The following LRRC4C variants were observed in gnomAD, a reference collection of about 807,000 sequenced individuals.
LRRC4C encodes the protein leucine rich repeat containing 4C.
Under a neutral mutation model 33.6 loss-of-function variants are expected in LRRC4C, and 5 were observed. The observed-to-expected ratio is 0.15, with a 90% CI of 0.08 to 0.31. The LOEUF (loss-of-function observed/expected upper bound fraction) is 0.31, where lower values mean the gene tolerates loss of function less well. LRRC4C is among the 10% of genes least tolerant of loss of function. LRRC4C has a pLI of 1.00. For synonymous variants in LRRC4C, 329 were observed against 302.0 expected (o/e 1.09, Z -0.93); for missense variants, 560 against 796.7 (o/e 0.70, Z 3.58).
At chr11:41,109,464 C>T (rs1053831082) in intron 1 of LRRC4C, among the ~76,000 whole-genome samples, 8 of 152,092 alleles carry the variant, frequency 5.3e-5, no homozygotes, top group African/African-American at 1.9e-4. Context: ...GAAACAAAGC[C>T]AGATATAAAA....
intron 3 of LRRC4C, among the ~76,000 whole-genome samples, chr11:40,544,144 C>T (rs1956828024): frequency 6.6e-6 from 1 of 152,010 alleles, no homozygotes; most frequent in African/African-American, 2.4e-5. Context: ...AATTAGATGA[C>T]CGATATTTAA....
chr11:40,764,543 G>A (rs780262868), intron 2 of LRRC4C, among the ~76,000 whole-genome samples: 54 of 152,128 alleles, frequency 3.5e-4, no homozygotes, highest in Non-Finnish European at 7.5e-4. Context: ...AGAGCTTACC[G>A]CCTTGAAGTT....
chr11:40,422,492 A>T (rs1950555407), intron 3 of LRRC4C, among the ~76,000 whole-genome samples: 1 of 152,208 alleles, frequency 6.6e-6, no homozygotes, highest in African/African-American at 2.4e-5. Flanking sequence ...ACACATTGTC[A>T]TGTTCAACGT....
At chr11:40,465,878 A>T (rs978046465) in intron 3 of LRRC4C, among the ~76,000 whole-genome samples, 1 of 152,046 alleles carries the variant, frequency 6.6e-6, no homozygotes, top group African/African-American at 2.4e-5. Context: ...TTTCTCAAAG[A>T]ATTAAAAAAT....
chr11:40,480,866 G>A (rs956287604), intron 3 of LRRC4C, among the ~76,000 whole-genome samples: 1 of 151,930 alleles, frequency 6.6e-6, no homozygotes, highest in African/African-American at 2.4e-5. Context: ...TAGTTAGATG[G>A]GGAATCTAAA....
intron 1 of LRRC4C, among the ~76,000 whole-genome samples, chr11:41,210,395 G>A (rs541182454): frequency 1.3e-5 from 2 of 152,138 alleles, no homozygotes; most frequent in East Asian, 3.9e-4. Flanking sequence ...TTCTCCTTTC[G>A]TTTGCCTCTC....
chr11:40,699,248 T>C (rs1383570475), intron 2 of LRRC4C, among the ~76,000 whole-genome samples: 1 of 152,228 alleles, frequency 6.6e-6, no homozygotes, highest in East Asian at 1.9e-4. Context: ...TTGATAGTCA[T>C]AGACCTATTA....
intron 1 of LRRC4C, among the ~76,000 whole-genome samples, chr11:40,951,845 C>T (rs2136729418): frequency 6.6e-6 from 1 of 151,958 alleles, no homozygotes; most frequent in Admixed American, 6.6e-5. Context: ...CACATAGTTT[C>T]TGGAAGTTTA....
At chr11:40,759,715 T>C (rs936568074) in intron 2 of LRRC4C, among the ~76,000 whole-genome samples, 1 of 151,942 alleles carries the variant, frequency 6.6e-6, no homozygotes, top group Non-Finnish European at 1.5e-5. Flanking sequence ...ATTTATCAAC[T>C]CCTTGTCGAT....
intron 2 of LRRC4C, among the ~76,000 whole-genome samples, chr11:40,838,867 C>T (rs2135616829): frequency 6.6e-6 from 1 of 151,756 alleles, no homozygotes; most frequent in Admixed American, 6.6e-5. Flanking sequence ...AGAATAAATC[C>T]CTCATCCCTA....
At chr11:41,211,039 G>T (rs1467034863) in intron 1 of LRRC4C, among the ~76,000 whole-genome samples, 2 of 152,148 alleles carry the variant, frequency 1.3e-5, no homozygotes, top group African/African-American at 4.8e-5. Context: ...TGGCAGCAAT[G>T]CTCACTTGCC....
chr11:40,919,717 G>T (rs1957097867), intron 2 of LRRC4C, among the ~76,000 whole-genome samples: 1 of 152,082 alleles, frequency 6.6e-6, no homozygotes, highest in Non-Finnish European at 1.5e-5. Flanking sequence ...ACATTAACAA[G>T]TTTGTGTAGG....
At chr11:40,876,705 C>T (rs908407608) in intron 2 of LRRC4C, among the ~76,000 whole-genome samples, 1 of 151,808 alleles carries the variant, frequency 6.6e-6, no homozygotes, top group African/African-American at 2.4e-5. Context: ...GAGATTGAGA[C>T]CTTACTGGCC....
chr11:41,085,284 C>A (rs1292830456), intron 1 of LRRC4C, among the ~76,000 whole-genome samples: 8 of 152,140 alleles, frequency 5.3e-5, no homozygotes, highest in Admixed American at 5.2e-4. Flanking sequence ...ACCACGTCAT[C>A]TTTACCCTGG....
chr11:41,053,657 T>C (rs1442080333), intron 1 of LRRC4C, among the ~76,000 whole-genome samples: 1 of 152,198 alleles, frequency 6.6e-6, no homozygotes, highest in African/African-American at 2.4e-5. Context: ...CAACTATACT[T>C]AATTGGAGAT....
At chr11:41,399,575 T>G (rs996817882) in intron 1 of LRRC4C, among the ~76,000 whole-genome samples, 1 of 151,996 alleles carries the variant, frequency 6.6e-6, no homozygotes, top group Admixed American at 6.6e-5. Context: ...TCCTCAGCAT[T>G]GCTGTAACTG....
chr11:40,892,441 G>C (rs1955759879), intron 2 of LRRC4C, among the ~76,000 whole-genome samples: 1 of 152,112 alleles, frequency 6.6e-6, no homozygotes, highest in Non-Finnish European at 1.5e-5. Context: ...TATCCAAAGT[G>C]GGACTTCAAC....
chr11:40,827,069 G>A (rs1196706645), intron 2 of LRRC4C, among the ~76,000 whole-genome samples: 7 of 151,716 alleles, frequency 4.6e-5, no homozygotes, highest in Non-Finnish European at 7.4e-5. Context: ...ATACAATAAA[G>A]TTAAAGTTTT....
intron 6 of LRRC4C, among the ~76,000 whole-genome samples, chr11:40,128,732 T>C (rs1333757486): frequency 6.6e-6 from 1 of 152,138 alleles, no homozygotes; most frequent in African/African-American, 2.4e-5. Context: ...AGATTCAGCC[T>C]TGTTCCCGCC....
Sources: allele counts gnomAD v4.1 joint callset (sites outside exome capture counted in the v4.1 genomes callset), GRCh38; gene constraint gnomAD v4.1.1; transcripts MANE v1.5; gene names NCBI Gene and HGNC (gene_info 2026-07-23, HGNC 2026-07-21).